The following RGS7 variants were observed in gnomAD, a reference collection of about 807,000 sequenced individuals.
RGS7 encodes the protein regulator of G-protein signaling 7.
RGS7 carries 27 observed loss-of-function variants against 81.1 expected under a neutral mutation model. The observed-to-expected ratio is 0.33, with a 90% CI of 0.25 to 0.46. The LOEUF (loss-of-function observed/expected upper bound fraction) is 0.46. Among genes scored for constraint, RGS7 ranks in the 20% least tolerant of loss-of-function variants. RGS7 has a pLI of 1.00. For synonymous variants in RGS7, 208 were observed against 207.7 expected (o/e 1.00, Z -0.01); for missense variants, 396 against 607.4 (o/e 0.65, Z 3.66).
At chr1:241,208,304 C>T (rs963544239) in intron 2 of RGS7, among the ~76,000 whole-genome samples, 2 of 152,126 alleles carry the variant, frequency 1.3e-5, no homozygotes, top group Admixed American at 6.5e-5. Flanking sequence ...CATGTCTAAG[C>T]CACGCCCTGA....
At chr1:240,836,948 A>G (rs1694821482) in intron 9 of RGS7, among the ~76,000 whole-genome samples, 1 of 152,178 alleles carries the variant, frequency 6.6e-6, no homozygotes, top group African/African-American at 2.4e-5. Context: ...CTTCAGCCTC[A>G]CATCTAGCAA....
intron 6 of RGS7, among the ~76,000 whole-genome samples, chr1:240,894,743 C>T (rs1668774303): frequency 6.6e-6 from 1 of 151,314 alleles, no homozygotes; most frequent in Non-Finnish European, 1.5e-5. Flanking sequence ...ATATAAATTT[C>T]TTGTCAATCT....
chr1:240,986,480 C>G (rs1196996509), intron 3 of RGS7, among the ~76,000 whole-genome samples: 2 of 152,164 alleles, frequency 1.3e-5, no homozygotes, highest in African/African-American at 4.8e-5. Context: ...CAAGACTCCC[C>G]TCCCCAAATT....
chr1:241,140,591 A>G lies in RGS7; in HGVS notation c.79-41829T>C, dbSNP rs536685279. On this transcript the variant is annotated intron_variant, in intron 2 of 18. Coordinates refer to ENST00000440928, the MANE Select transcript of RGS7 (RefSeq NM_001364886.1). ...GCTAATTTTTAAATTTTTTGTGGAGACAGGGTCTTCCTACTTCCTATGTGA... is the reference window on the plus strand; with the variant it reads ...GCTAATTTTTAAATTTTTTGTGGAGGCAGGGTCTTCCTACTTCCTATGTGA... Among the ~76,000 whole-genome samples the G allele has an allele frequency of 1.1e-3, 174 of 152,204 alleles. 2 individuals carry two copies. Among genetic ancestry groups the G allele is most frequent in the African/African-American group, 4.1e-3 (169 of 41,514 alleles).
At chr1:241,132,075 T>C (rs1347174240) in intron 2 of RGS7, among the ~76,000 whole-genome samples, 1 of 152,168 alleles carries the variant, frequency 6.6e-6, no homozygotes, top group Non-Finnish European at 1.5e-5. Flanking sequence ...ACCGCCAGGC[T>C]CCAAGAGCCA....
chr1:240,901,104 T>G (rs539140599), intron 6 of RGS7, among the ~76,000 whole-genome samples: 9 of 152,278 alleles, frequency 5.9e-5, no homozygotes, highest in Admixed American at 1.3e-4. Flanking sequence ...AGGCATGGGA[T>G]ATAATCTCCT....
rs185285311 is a variant in RGS7 at position 240,845,280 on chromosome 1, G to A, written c.610-18108C>T. On this transcript the variant is annotated intron_variant, in intron 9 of 18. Coordinates refer to ENST00000440928, the MANE Select transcript of RGS7 (RefSeq NM_001364886.1). ...CTAGCATGGCTGATAATATGTAGCC[G>A]CCTCTCAGAGATGTTGGGACAATGG... 4.1e-3 allele frequency among the ~76,000 whole-genome samples: 630 copies of A among 152,208 alleles called. 3 individuals are homozygous for A. Among genetic ancestry groups the A allele is most frequent in the African/African-American group, 0.014 (602 of 41,520 alleles).
At chr1:241,170,999 G>T (rs556166996) in intron 2 of RGS7, among the ~76,000 whole-genome samples, 1 of 152,242 alleles carries the variant, frequency 6.6e-6, no homozygotes, top group Admixed American at 6.5e-5. Flanking sequence ...TAATATTTCA[G>T]TGTAGGAGCT....
At chr1:241,001,938 T>C (rs533042818) in intron 3 of RGS7, among the ~76,000 whole-genome samples, 1 of 152,132 alleles carries the variant, frequency 6.6e-6, no homozygotes, top group East Asian at 1.9e-4. Flanking sequence ...TGATGAACCC[T>C]GTGTGATAAT....
At chr1:240,947,667 CT>C in intron 4 of RGS7, among the ~76,000 whole-genome samples, 1 of 152,314 alleles carries the variant, frequency 6.6e-6, no homozygotes, top group East Asian at 1.9e-4. Context: ...GGCTGAGTCA[CT>C]GCAACAACAT....
chr1:240,946,510 G>A (rs1489863290), intron 4 of RGS7, among the ~76,000 whole-genome samples: 2 of 152,066 alleles, frequency 1.3e-5, no homozygotes, highest in South Asian at 2.1e-4. Context: ...GGGAGGCTGA[G>A]GTGGGAGAAT....
intron 2 of RGS7, among the ~76,000 whole-genome samples, chr1:241,221,351 CA>C (rs1255247100): frequency 1.3e-5 from 2 of 152,166 alleles, no homozygotes; most frequent in African/African-American, 4.8e-5. Flanking sequence ...GCAGATGTGG[CA>C]TAGACTGGCG....
At chr1:240,823,013 T>C (rs1457387116) in intron 10 of RGS7, 11 of 526,048 alleles carry the variant, frequency 2.1e-5, no homozygotes, top group South Asian at 6.9e-5. Context: ...CTGGAAGAAA[T>C]TGTCTTGAGT....
intron 2 of RGS7, among the ~76,000 whole-genome samples, chr1:241,139,440 TC>T (rs1300026097): frequency 6.6e-6 from 1 of 152,234 alleles, no homozygotes; most frequent in African/African-American, 2.4e-5. Context: ...TAACTGTGAA[TC>T]ATGCTTCAGC....
intron 2 of RGS7, among the ~76,000 whole-genome samples, chr1:241,260,941 A>C (rs1412195201): frequency 8.6e-6 from 1 of 116,762 alleles, no homozygotes; most frequent in Non-Finnish European, 1.8e-5. Context: ...GGGAGGGGGA[A>C]GGGATAGCAT....
intron 6 of RGS7, among the ~76,000 whole-genome samples, chr1:240,896,182 A>G (rs1171138140): frequency 6.6e-6 from 1 of 152,210 alleles, no homozygotes; most frequent in Non-Finnish European, 1.5e-5. Flanking sequence ...TCTGGATATT[A>G]GCCCTTTGTC....
At chr1:241,138,234 C>G (rs1205204888) in intron 2 of RGS7, among the ~76,000 whole-genome samples, 1 of 150,964 alleles carries the variant, frequency 6.6e-6, no homozygotes, top group Non-Finnish European at 1.5e-5. Flanking sequence ...ATAATCAAGC[C>G]CTAAATTTAA....
chr1:241,223,893 G>A (rs976506151), intron 2 of RGS7, among the ~76,000 whole-genome samples: 2 of 151,510 alleles, frequency 1.3e-5, no homozygotes, highest in Non-Finnish European at 2.9e-5. Context: ...TCATTGAAAT[G>A]TGCAGGTACA....
chr1:241,132,741 A>ATTTATTTATTTG (rs1553265451), intron 2 of RGS7, among the ~76,000 whole-genome samples: 1 of 150,984 alleles, frequency 6.6e-6, no homozygotes, highest in African/African-American at 2.5e-5. Context: ...TCAACTTATT[A>ATTTATTTATTTG]TTTGTTTGTT....
Sources: gnomAD v4.1 joint callset for allele counts (sites outside exome capture counted in the v4.1 genomes callset) on GRCh38, gnomAD v4.1.1 for gene constraint, MANE v1.5 for transcripts, NCBI Gene and HGNC (gene_info 2026-07-23, HGNC 2026-07-21) for gene names.